UBE2U: variants seen among roughly 807,000 people sequenced by gnomAD.
UBE2U encodes ubiquitin conjugating enzyme E2 U.
In UBE2U, 39 loss-of-function variants were observed where a neutral mutation model predicts 41.2. The observed-to-expected ratio is 0.95, with a 90% CI of 0.73 to 1.24. UBE2U has a LOEUF of 1.24. UBE2U is among the 50% of genes most tolerant of loss of function. The probability of loss-of-function intolerance (pLI) is 0.00; values close to 1 mark genes in which losing one functional copy is unlikely to be tolerated. For missense variants in UBE2U, 336 were observed against 363.1 expected (o/e 0.93, Z 0.61); for synonymous variants, 107 against 117.8 (o/e 0.91, Z 0.60).
At chr1:64,249,161 G>A (rs547025932) in intron 8 of UBE2U, among the ~76,000 whole-genome samples, 1 of 152,106 alleles carries the variant, frequency 6.6e-6, no homozygotes, top group African/African-American at 2.4e-5. Context: ...CAGATCACCT[G>A]AGGTCAGGAG....
chr1:64,240,871 G>A (rs996509698), intron 7 of UBE2U, among the ~76,000 whole-genome samples: 10 of 152,068 alleles, frequency 6.6e-5, no homozygotes, highest in African/African-American at 2.4e-4. Flanking sequence ...CTGGGATTAC[G>A]GGTGTGTCCC....
intron 6 of UBE2U, among the ~76,000 whole-genome samples, chr1:64,229,112 G>T (rs1327497247): frequency 6.6e-6 from 1 of 151,892 alleles, no homozygotes; most frequent in East Asian, 1.9e-4. Flanking sequence ...GCCCGCCTCA[G>T]CTTCCCAAAG....
At chr1:64,231,921 A>G (rs1286158408) in intron 6 of UBE2U, among the ~76,000 whole-genome samples, 2 of 152,198 alleles carry the variant, frequency 1.3e-5, no homozygotes, top group African/African-American at 4.8e-5. Context: ...TTTGTGGAAA[A>G]ATGCCTGGAA....
intron 8 of UBE2U, among the ~76,000 whole-genome samples, chr1:64,253,070 A>G (rs1474758027): frequency 6.6e-6 from 1 of 151,666 alleles, no homozygotes; most frequent in Non-Finnish European, 1.5e-5. Context: ...AGGAACATAA[A>G]CAACCTGATG....
At chr1:64,244,351 A>G in intron 8 of UBE2U, 1 of 784,732 alleles carries the variant, frequency 1.3e-6, no homozygotes, top group Non-Finnish European at 1.6e-6. Context: ...TGTGTATATT[A>G]TATATCTGTT....
At chr1:64,207,269 G>A (rs995606867) in intron 3 of UBE2U, among the ~76,000 whole-genome samples, 2 of 151,988 alleles carry the variant, frequency 1.3e-5, no homozygotes, top group Non-Finnish European at 2.9e-5. Flanking sequence ...TCCTGCCTCA[G>A]CCTCCCCAGT....
At chr1:64,235,914 G>GCAT (rs1037004713) in intron 7 of UBE2U, among the ~76,000 whole-genome samples, 1 of 152,076 alleles carries the variant, frequency 6.6e-6, no homozygotes, top group Non-Finnish European at 1.5e-5. Flanking sequence ...TACGTGCCAG[G>GCAT]CATTATTATT....
chr1:64,259,914 T>C (rs1645155626), intron 8 of UBE2U, among the ~76,000 whole-genome samples: 1 of 151,840 alleles, frequency 6.6e-6, no homozygotes, highest in African/African-American at 2.4e-5. Flanking sequence ...CCTCAGCATA[T>C]GACCTTATTT....
intron 6 of UBE2U, among the ~76,000 whole-genome samples, chr1:64,226,943 T>A (rs1188103693): frequency 6.6e-6 from 1 of 152,114 alleles, no homozygotes; most frequent in Non-Finnish European, 1.5e-5. Flanking sequence ...ACCAAATGGG[T>A]CTGATTATAA....
intron 8 of UBE2U, among the ~76,000 whole-genome samples, chr1:64,242,120 T>G (rs1174122729): frequency 6.6e-6 from 1 of 152,188 alleles, no homozygotes; most frequent in Non-Finnish European, 1.5e-5. Flanking sequence ...ATCCTTTTTG[T>G]AGCTCCAAAC....
intron 8 of UBE2U, among the ~76,000 whole-genome samples, chr1:64,243,560 T>A (rs1268134070): frequency 1.3e-5 from 2 of 152,194 alleles, no homozygotes; most frequent in Non-Finnish European, 2.9e-5. Context: ...GAAAATGCTT[T>A]CCTTACGCTG....
At chr1:64,208,852 A>AT (rs1432114362) in intron 3 of UBE2U, among the ~76,000 whole-genome samples, 2 of 152,140 alleles carry the variant, frequency 1.3e-5, no homozygotes, top group African/African-American at 4.8e-5. Context: ...GTATTCAGAT[A>AT]TTTTTTGAAT....
At chr1:64,232,212 T>C (rs887325248) in intron 6 of UBE2U, among the ~76,000 whole-genome samples, 1 of 152,236 alleles carries the variant, frequency 6.6e-6, no homozygotes, top group African/African-American at 2.4e-5. Flanking sequence ...TTGTTTCTTA[T>C]AGAATGAGAA....
intron 3 of UBE2U, 121 bp from the exon 4 acceptor site, chr1:64,210,621 A>C (rs370971850): frequency 1.6e-6 from 1 of 634,060 alleles, no homozygotes; most frequent in East Asian, 3.1e-5. Flanking sequence ...GTACAGAGAG[A>C]AGAACTAGGA....
chr1:64,221,771 C>G (rs1652484434), intron 6 of UBE2U, among the ~76,000 whole-genome samples: 1 of 152,142 alleles, frequency 6.6e-6, no homozygotes, highest in Non-Finnish European at 1.5e-5. Flanking sequence ...TTGACTAGCT[C>G]TGTATAAAAG....
intron 8 of UBE2U, 54 bp from the exon 9 acceptor site, chr1:64,260,549 A>C: frequency 7.2e-7 from 1 of 1,383,452 alleles, no homozygotes; most frequent in East Asian, 2.5e-5. Context: ...TCAGAAGTAA[A>C]TATACCCTTA....
chr1:64,240,989 C>A (rs1644825826), intron 7 of UBE2U, among the ~76,000 whole-genome samples: 1 of 152,166 alleles, frequency 6.6e-6, no homozygotes, highest in South Asian at 2.1e-4. Flanking sequence ...ATTAGTGATT[C>A]ATGAATCAGG....
intron 3 of UBE2U, among the ~76,000 whole-genome samples, chr1:64,210,307 A>G (rs2100260419): frequency 6.6e-6 from 1 of 152,384 alleles, no homozygotes; most frequent in African/African-American, 2.4e-5. Flanking sequence ...TTAACATAAC[A>G]GGACAACGCT....
chr1:64,214,972 C>G (rs1282421881), intron 5 of UBE2U, 40 bp downstream of exon 5: 1 of 1,513,890 alleles, frequency 6.6e-7, no homozygotes, highest in African/African-American at 1.4e-5. Context: ...GTGGCTCACG[C>G]CTGTAATCCC....
Sources: gnomAD v4.1 joint callset for allele counts (sites outside exome capture counted in the v4.1 genomes callset) on GRCh38, gnomAD v4.1.1 for gene constraint, MANE v1.5 for transcripts, NCBI Gene and HGNC (gene_info 2026-07-23, HGNC 2026-07-21) for gene names.